CTNNA2: variants seen among roughly 807,000 people sequenced by gnomAD.
The protein encoded by CTNNA2 is catenin alpha 2, also known as catenin alpha-2.
Under a neutral mutation model 101.0 loss-of-function variants are expected in CTNNA2, and 42 were observed. The observed-to-expected ratio is 0.42, with a 90% CI of 0.32 to 0.54. CTNNA2 has a LOEUF of 0.54. Ranked by LOEUF, CTNNA2 falls within the 20% of genes least tolerant of loss-of-function variation. The pLI is 0.14. For missense variants in CTNNA2, 871 were observed against 1,223.1 expected, an observed-to-expected ratio of 0.71 and a Z score of 4.29; for synonymous variants, 450 against 456.4, an observed-to-expected ratio of 0.99 and a Z score of 0.18.
intron 18 of CTNNA2, among the ~76,000 whole-genome samples, chr2:80,627,490 T>C (rs1671804659): frequency 1.3e-5 from 2 of 152,190 alleles, no homozygotes; most frequent in South Asian, 2.1e-4. Flanking sequence ...TTATTTCATA[T>C]GTTTGTTGGC....
intron 4 of CTNNA2, among the ~76,000 whole-genome samples, chr2:79,384,772 C>T (rs1460954941): frequency 2.0e-5 from 3 of 152,116 alleles, no homozygotes; most frequent in African/African-American, 4.8e-5. Flanking sequence ...AAATTCTACC[C>T]GTGCTCAAGT....
chr2:80,450,030 C>T (rs1474816925), intron 9 of CTNNA2, among the ~76,000 whole-genome samples: 1 of 152,134 alleles, frequency 6.6e-6, no homozygotes, highest in African/African-American at 2.4e-5. Context: ...ATACATATCT[C>T]CTCTTCTCTT....
chr2:79,327,820 A>C (rs1040245784), intron 3 of CTNNA2, among the ~76,000 whole-genome samples: 3 of 152,198 alleles, frequency 2.0e-5, no homozygotes, highest in Non-Finnish European at 4.4e-5. Flanking sequence ...GGGGATGGCA[A>C]GCTGCCTCCC....
At position 79,524,430 on chromosome 2, in the gene CTNNA2, T is replaced by A. The variant is rs1271803807; in HGVS notation, c.-6+11223T>A. Among the ~76,000 whole-genome samples, 5 of 151,942 alleles carry A rather than the reference T, an allele frequency of 3.3e-5. No individual in the cohort carries two copies. In the East Asian group the frequency reaches 7.7e-4, roughly 23 times the overall value. The stretch of plus-strand genomic sequence containing the variant: ...TATTTGGTTTTGTCTCCTGTCACTT[T>A]GTTGAAATACCTTATTGGTCCAAAA... On this transcript the variant is annotated intron_variant, in intron 1 of 18. Coordinates refer to ENST00000402739, the MANE Select transcript of CTNNA2 (RefSeq NM_001282597.3).
intron 3 of CTNNA2, among the ~76,000 whole-genome samples, chr2:79,762,295 C>A (rs1395215109): frequency 3.3e-5 from 5 of 152,142 alleles, no homozygotes; most frequent in African/African-American, 1.2e-4. Flanking sequence ...CAATTGACAG[C>A]AGGCCAAGAG....
intron 7 of CTNNA2, among the ~76,000 whole-genome samples, chr2:80,183,776 G>T (rs1705940207): frequency 6.6e-6 from 1 of 152,088 alleles, no homozygotes; most frequent in South Asian, 2.1e-4. Flanking sequence ...AATGATTGTT[G>T]TTTAATTTTT....
chr2:79,493,712 A>T (rs75301154), intron 4 of CTNNA2: 1 of 152,212 alleles, frequency 6.6e-6, no homozygotes. Context: ...AATTCTGCTT[A>T]TGTTACTTCA....
intron 9 of CTNNA2, among the ~76,000 whole-genome samples, chr2:80,464,953 G>T (rs1684733886): frequency 6.6e-6 from 1 of 152,102 alleles, no homozygotes; most frequent in Admixed American, 6.6e-5. Context: ...TGATGGTTTT[G>T]TTTCTTTCTC....
intron 4 of CTNNA2, among the ~76,000 whole-genome samples, chr2:79,862,911 A>T (rs1366412389): frequency 6.6e-6 from 1 of 152,244 alleles, no homozygotes; most frequent in East Asian, 1.9e-4. Context: ...TTGGCTCACC[A>T]AATTAAAAGT....
intron 1 of CTNNA2, among the ~76,000 whole-genome samples, chr2:79,614,544 A>C (rs1678494119): frequency 6.6e-6 from 1 of 152,176 alleles, no homozygotes; most frequent in Admixed American, 6.5e-5. Flanking sequence ...AAATGTGACT[A>C]TTTATTGAGA....
At chr2:79,533,546 G>C (rs1477430602) in intron 1 of CTNNA2, among the ~76,000 whole-genome samples, 2 of 152,028 alleles carry the variant, frequency 1.3e-5, no homozygotes, top group Non-Finnish European at 2.9e-5. Flanking sequence ...CAACTAACTA[G>C]AGTATATTAA....
At chr2:79,635,812 A>G (rs902734821) in intron 1 of CTNNA2, among the ~76,000 whole-genome samples, 6 of 151,710 alleles carry the variant, frequency 4.0e-5, no homozygotes, top group Non-Finnish European at 5.9e-5. Context: ...CCAATACATA[A>G]TAGTTCTATT....
In CTNNA2 at chr2:80,310,376, T is replaced by G. The variant is rs1677452378; in HGVS notation, c.1057-82835T>G. Among the ~76,000 whole-genome samples the G allele has an allele frequency of 2.0e-5, 3 of 151,936 alleles. No homozygotes were observed. In the South Asian group the frequency reaches 6.2e-4, roughly 32 times the overall value. ...TGTAGAGCCTTCATAGGTGCTAGCTTTAGGTATCTTTCAGCTGGTTTATTC... is the reference window on the plus strand; with the variant it reads ...TGTAGAGCCTTCATAGGTGCTAGCTGTAGGTATCTTTCAGCTGGTTTATTC... On this transcript the variant is annotated intron_variant, in intron 7 of 18. Coordinates refer to ENST00000402739, the MANE Select transcript of CTNNA2 (RefSeq NM_001282597.3).
intron 7 of CTNNA2, among the ~76,000 whole-genome samples, chr2:79,994,863 C>G (rs1692434527): frequency 6.6e-6 from 1 of 152,116 alleles, no homozygotes; most frequent in South Asian, 2.1e-4. Context: ...CCCTGATGTT[C>G]CTACCCCCAC....
intron 8 of CTNNA2, among the ~76,000 whole-genome samples, chr2:80,407,755 T>C (rs1173578187): frequency 6.6e-6 from 1 of 152,198 alleles, no homozygotes; most frequent in Non-Finnish European, 1.5e-5. Flanking sequence ...GTTGGGAATG[T>C]GGAGTAATCA....
chr2:80,490,286 C>CCT (rs993096573), intron 9 of CTNNA2, among the ~76,000 whole-genome samples: 2 of 88,902 alleles, frequency 2.2e-5, no homozygotes, highest in Non-Finnish European at 3.9e-5. Flanking sequence ...CCCCACCCCC[C>CCT]CCCCGGTAAA....
At chr2:79,512,792 C>A (rs1039480565), upstream of CTNNA2, among the ~76,000 whole-genome samples, 1 of 151,386 alleles carries the variant, frequency 6.6e-6, no homozygotes, top group African/African-American at 2.4e-5. Context: ...CCCTTTCGGG[C>A]GCTCCCCAGG....
chr2:80,438,818 T>C (rs1682293276), intron 9 of CTNNA2, among the ~76,000 whole-genome samples: 1 of 152,126 alleles, frequency 6.6e-6, no homozygotes, highest in Admixed American at 6.6e-5. Context: ...CCAAAGTCTA[T>C]AGCATTCCCC....
chr2:79,716,035 A>G (rs1270778375), intron 2 of CTNNA2, among the ~76,000 whole-genome samples: 1 of 152,084 alleles, frequency 6.6e-6, no homozygotes, highest in Non-Finnish European at 1.5e-5. Flanking sequence ...TGAAAAAAAA[A>G]AGGCATTTTC....
Sources: gnomAD v4.1 joint callset for allele counts (sites outside exome capture counted in the v4.1 genomes callset) on GRCh38, gnomAD v4.1.1 for gene constraint, MANE v1.5 for transcripts, NCBI Gene and HGNC (gene_info 2026-07-23, HGNC 2026-07-21) for gene names.